Variants in ELP3 observed in about 807,000 individuals in gnomAD.
ELP3 encodes the protein elongator acetyltransferase complex subunit 3.
Under a neutral mutation model 74.9 loss-of-function variants are expected in ELP3, and 56 were observed. That is an observed-to-expected ratio of 0.75 (90% confidence interval 0.60 to 0.93). ELP3 has a LOEUF of 0.93. ELP3 is among the 40% of genes least tolerant of loss of function. The probability of loss-of-function intolerance (pLI) is 0.00; values close to 1 mark genes in which losing one functional copy is unlikely to be tolerated. For synonymous variants in ELP3, 222 were observed against 239.8 expected (o/e 0.93, Z 0.68); for missense variants, 573 against 686.5 (o/e 0.83, Z 1.85).
At chr8:28,129,784 C>G (rs1812722614) in intron 8 of ELP3, 121 bp downstream of exon 8, 1 of 1,110,602 alleles carries the variant, frequency 9.0e-7, no homozygotes, top group Non-Finnish European at 1.3e-6. Context: ...GGTATTCCTC[C>G]TTTTCAGAGT....
intron 14 of ELP3, among the ~76,000 whole-genome samples, chr8:28,171,459 A>G (rs940410478): frequency 6.6e-6 from 1 of 151,818 alleles, no homozygotes; most frequent in Non-Finnish European, 1.5e-5. Context: ...TGTCATTTTT[A>G]TCTTCTTTAG....
intron 2 of ELP3, 63 bp downstream of exon 2, chr8:28,097,381 T>G (rs1181383896): frequency 1.9e-6 from 2 of 1,065,792 alleles, no homozygotes; most frequent in East Asian, 2.4e-5. Flanking sequence ...TATGAAATTA[T>G]CTAGTACTAC....
At position 28,189,861 on chromosome 8, in the gene ELP3, G is replaced by A. The variant is rs967800432; in HGVS notation, c.*136G>A. On this transcript the variant is annotated 3_prime_UTR_variant, in exon 15 of 15. Transcript: ENST00000256398. The stretch of plus-strand genomic sequence containing the variant: ...CCTCATCCCGCAGCTGCAGAGACTG[G>A]AAACTGCCTTCAAGGCCACGGCTGG... The A allele has an allele frequency of 1.1e-6, 1 of 940,422 alleles. No homozygotes were observed. Among genetic ancestry groups the A allele is most frequent in the Non-Finnish European group, 1.6e-6 (1 of 621,142 alleles). 58.3% of individuals were successfully genotyped at this position (940,422 alleles called of 1,614,324 possible).
chr8:28,128,054 C>A (rs948333693), intron 7 of ELP3, among the ~76,000 whole-genome samples: 3 of 152,024 alleles, frequency 2.0e-5, no homozygotes, highest in Non-Finnish European at 4.4e-5. Context: ...CAGTAAAGAA[C>A]AATGAACTTC....
intron 7 of ELP3, among the ~76,000 whole-genome samples, chr8:28,121,069 A>G (rs1812346871): frequency 6.6e-6 from 1 of 152,208 alleles, no homozygotes; most frequent in East Asian, 1.9e-4. Context: ...TGCTCTATTA[A>G]AAAGTATAAT....
rs540303271 is a variant in ELP3 at position 28,157,302 on chromosome 8, A to AC, written c.1192-1266_1192-1265insC. 7.5e-4 allele frequency among the ~76,000 whole-genome samples: 114 copies of AC among 152,142 alleles called. 1 individual carries two copies. The East Asian group carries it at 0.017, about 22-fold the overall frequency. ...AAAAAAGCATGCCAAAAAAAAAAAA[A>AC]AAACAGAAACAGCATGCAGATGTTC... On this transcript the variant is annotated intron_variant, in intron 11 of 14. Coordinates refer to ENST00000256398, the MANE Select transcript of ELP3 (RefSeq NM_018091.6).
chr8:28,132,485 T>C (rs147816547), intron 9 of ELP3, 81 bp downstream of exon 9: 12 of 1,571,600 alleles, frequency 7.6e-6, no homozygotes, highest in Middle Eastern at 1.7e-4. Context: ...TTGTTCACTG[T>C]TGATGTTTTC....
In ELP3 at chr8:28,137,739, A is replaced by G; in HGVS notation, c.948A>G (p.Lys316=). The change falls in exon 10 of 15, where the codon AAA becomes AAG. Residue 316 remains lysine, a synonymous_variant. Coordinates refer to ENST00000256398, the MANE Select transcript of ELP3 (RefSeq NM_018091.6). The part of the protein sequence containing the change: ...ENPAFRPDGL[K]LYPTLVIRGT... The stretch of plus-strand genomic sequence containing the variant: ...CTGCTTTTCGTCCCGATGGGCTGAA[A>G]CTCTATCCTACCCTGGTGATTCGTG... 6.2e-7 allele frequency: 1 copy of G among 1,612,494 alleles called. No individual in the cohort carries two copies. The highest frequency in any genetic ancestry group is 8.5e-7 in the Non-Finnish European group (1 of 1,179,684).
intron 4 of ELP3, among the ~76,000 whole-genome samples, chr8:28,107,185 T>C (rs369902027): frequency 6.6e-6 from 1 of 152,056 alleles, no homozygotes; most frequent in Non-Finnish European, 1.5e-5. Context: ...GAGGTGGAGG[T>C]TGCAGTGAGC....
chr8:28,153,850 A>C (rs1813728629), intron 10 of ELP3, among the ~76,000 whole-genome samples: 1 of 152,126 alleles, frequency 6.6e-6, no homozygotes, highest in Non-Finnish European at 1.5e-5. Context: ...GCATTGGGTA[A>C]TTAACTTCTC....
intron 7 of ELP3, among the ~76,000 whole-genome samples, chr8:28,121,899 G>A (rs1322009283): frequency 3.3e-5 from 5 of 152,160 alleles, no homozygotes; most frequent in Non-Finnish European, 5.9e-5. Flanking sequence ...AAGAGTGGGC[G>A]TCTCTGTCTT....
intron 9 of ELP3, among the ~76,000 whole-genome samples, chr8:28,137,211 G>A (rs1813023197): frequency 6.6e-6 from 1 of 152,174 alleles, no homozygotes; most frequent in South Asian, 2.1e-4. Flanking sequence ...TACTCTAGAG[G>A]TGAAGGCAGA....
upstream of ELP3, among the ~76,000 whole-genome samples, chr8:28,092,467 G>A (rs1412926804): frequency 6.6e-6 from 1 of 152,130 alleles, no homozygotes; most frequent in African/African-American, 2.4e-5. Context: ...GACCTCAGAT[G>A]ATCTGCTGGC....
At chr8:28,120,523 T>C (rs568080305) in intron 7 of ELP3, among the ~76,000 whole-genome samples, 26 of 152,256 alleles carry the variant, frequency 1.7e-4, no homozygotes, top group Non-Finnish European at 3.4e-4. Flanking sequence ...GTTAATGATA[T>C]CGTTTAGCCA....
rs1811119015 is a variant in ELP3, at chr8:28,093,323, A to G, written c.19+90A>G. The G allele has an allele frequency of 5.8e-6, 9 of 1,550,764 alleles. No homozygotes were observed. In the Middle Eastern group the frequency reaches 1.1e-3, roughly 196 times the overall value. ...AATGCTGAACCGAACTTTTACCGCGAGAATCCGCTACCCAGTCCAGTCGCC... is the reference window on the plus strand; with the variant it reads ...AATGCTGAACCGAACTTTTACCGCGGGAATCCGCTACCCAGTCCAGTCGCC... On this transcript the variant is annotated intron_variant, in intron 1 of 14. Coordinates refer to ENST00000256398, the MANE Select transcript of ELP3 (RefSeq NM_018091.6).
At chr8:28,175,892 G>A (rs1814732189) in intron 14 of ELP3, among the ~76,000 whole-genome samples, 3 of 134,402 alleles carry the variant, frequency 2.2e-5, no homozygotes, top group East Asian at 4.5e-4. Flanking sequence ...TCGGCTCACT[G>A]CAACCTCCGC....
intron 7 of ELP3, among the ~76,000 whole-genome samples, chr8:28,127,251 C>G (rs1025579992): frequency 1.3e-5 from 2 of 152,138 alleles, no homozygotes; most frequent in African/African-American, 4.8e-5. Flanking sequence ...GGAAGACTAG[C>G]TAATAAATTT....
rs905995311 is a variant in ELP3 at position 28,173,781 on chromosome 8, C to T, written c.1567+11703C>T. Among the ~76,000 whole-genome samples the T allele has an allele frequency of 3.3e-5, 5 of 151,904 alleles. 1 individual carries two copies. The highest frequency in any genetic ancestry group is 2.6e-4 in the Admixed American group (4 of 15,274). On this transcript the variant is annotated intron_variant, in intron 14 of 14. Coordinates refer to ENST00000256398, the MANE Select transcript of ELP3 (RefSeq NM_018091.6). ...CTCTGAGCACTGTTTTTGCTGCATC[C>T]TATAAGTTTGGAATGTTGCATTTTG...
chr8:28,147,836 A>G lies in ELP3; in HGVS notation c.1101-8106A>G, dbSNP rs907971207. On this transcript the variant is annotated intron_variant, in intron 10 of 14. Transcript: ENST00000256398. This position sits in a 1 kb window ranked among gnomAD's most constrained non-coding sequence, Gnocchi z 4.5. Reference sequence around the variant, plus strand: ...GGCAGCAAACATACAGGATGAACACAGAACATCTTGTCTTTCCAGAGAGTA... The same window carrying G: ...GGCAGCAAACATACAGGATGAACACGGAACATCTTGTCTTTCCAGAGAGTA... 6.6e-6 allele frequency among the ~76,000 whole-genome samples: 1 copy of G among 152,220 alleles called. No individual in the cohort carries two copies. Among genetic ancestry groups the G allele is most frequent in the Non-Finnish European group, 1.5e-5 (1 of 68,036 alleles).
Sources: gnomAD v4.1 joint callset for allele counts (sites outside exome capture counted in the v4.1 genomes callset) on GRCh38, gnomAD v4.1.1 for gene constraint, Gnocchi (gnomAD v3.1) non-coding constraint, MANE v1.5 for transcripts, NCBI Gene and HGNC (gene_info 2026-07-23, HGNC 2026-07-21) for gene names.